Variants in NOX5 observed in about 807,000 individuals in gnomAD.
The protein encoded by NOX5 is NADPH oxidase, EF-hand calcium binding domain 5.
Under a neutral mutation model 85.7 loss-of-function variants are expected in NOX5, and 76 were observed. The ratio of observed to expected loss-of-function variants is 0.89; its 90% CI spans 0.74 to 1.07. The LOEUF (loss-of-function observed/expected upper bound fraction) is 1.07. Ranked by LOEUF, NOX5 falls within the 50% of genes least tolerant of loss-of-function variation. NOX5 has a pLI of 0.00. For missense variants in NOX5, 973 were observed against 999.5 expected, an observed-to-expected ratio of 0.97 and a Z score of 0.36; for synonymous variants, 405 against 401.4, an observed-to-expected ratio of 1.01 and a Z score of -0.11.
Position 69,028,375 on chromosome 15 carries a change from C to A in NOX5, c.325+10C>A. 3 of 1,584,598 alleles carry A rather than the reference C, an allele frequency of 1.9e-6. No homozygotes were observed. Among genetic ancestry groups the A allele is most frequent in the Non-Finnish European group, 2.6e-6 (3 of 1,163,706 alleles). ...GTGTATGACATCGATGGTAAGGGCT[C>A]TTCCTGGGTGTGGGCTGGGGTGGGG... On this transcript the variant is annotated intron_variant, in intron 3 of 15. Coordinates refer to ENST00000388866, the MANE Select transcript of NOX5 (RefSeq NM_024505.4).
chr15:69,035,233 T>C, intron 5 of NOX5, 121 bp from the exon 6 acceptor site: 2 of 1,093,988 alleles, frequency 1.8e-6, no homozygotes, highest in Non-Finnish European at 2.6e-6. Flanking sequence ...GGCAGGGGAC[T>C]TTGGTGAGTG....
chr15:69,059,133 A>G lies in NOX5; in HGVS notation c.*2437A>G, dbSNP rs1346673496. 6.6e-6 allele frequency: 1 copy of G among 152,154 alleles called. No individual in the cohort carries two copies. The highest frequency in any genetic ancestry group is 1.9e-4 in the East Asian group (1 of 5,182). The allele number at this position is 152,154 out of a possible 1,614,324, so 9.4% of individuals were successfully genotyped here. On this transcript the variant is annotated 3_prime_UTR_variant, in exon 16 of 16. Transcript: ENST00000388866. ...AGCTGTTCGTTTAGGACTTAATAAT[A>G]TAGTGGGTGGGAGCAGGTGGAAGGA...
At chr15:69,039,380 G>A (rs138517711) in intron 9 of NOX5, among the ~76,000 whole-genome samples, 2,598 of 151,856 alleles carry the variant, frequency 0.017, 31 homozygotes, top group African/African-American at 0.029. Context: ...TATGGGGGGT[G>A]GCGGGGGGTA....
chr15:69,059,123 A>G lies in NOX5; in HGVS notation c.*2427A>G, dbSNP rs1305439313. 1 of 152,160 alleles carries G rather than the reference A, an allele frequency of 6.6e-6. No individual in the cohort carries two copies. Among genetic ancestry groups the G allele is most frequent in the Non-Finnish European group, 1.5e-5 (1 of 68,034 alleles). 9.4% of individuals were successfully genotyped at this position (152,160 alleles called of 1,614,324 possible). A position where few individuals can be genotyped will look rare whatever the true frequency, so the allele number is the denominator to read the frequency against. ...ACAAATAGTCAGCTGTTCGTTTAGG[A>G]CTTAATAATATAGTGGGTGGGAGCA... On this transcript the variant is annotated 3_prime_UTR_variant, in exon 16 of 16. Coordinates refer to ENST00000388866, the MANE Select transcript of NOX5 (RefSeq NM_024505.4).
intron 10 of NOX5, among the ~76,000 whole-genome samples, chr15:69,044,805 C>G (rs1019514908): frequency 6.6e-6 from 1 of 152,168 alleles, no homozygotes; most frequent in African/African-American, 2.4e-5. Flanking sequence ...ATTTTTAAAG[C>G]TAACATTATC....
At chr15:69,029,539 G>A (rs190649503) in intron 3 of NOX5, 108 of 152,218 alleles carry the variant, frequency 7.1e-4, no homozygotes, top group African/African-American at 2.6e-3. Flanking sequence ...TGGATGACAT[G>A]GTAATTCTGG....
At position 69,056,887 on chromosome 15, in the gene NOX5, G is replaced by A; in HGVS notation, c.*191G>A. On this transcript the variant is annotated 3_prime_UTR_variant, in exon 16 of 16. Transcript: ENST00000388866. Reference sequence around the variant, plus strand: ...GATGAACTTCCTCTAGAACCCAGGGGAAGGGACAGTGCCTTGTTCAGTCTG... The same window carrying A: ...GATGAACTTCCTCTAGAACCCAGGGAAAGGGACAGTGCCTTGTTCAGTCTG... The A allele has an allele frequency of 1.7e-6, 1 of 596,880 alleles. No homozygotes were observed. 37.0% of individuals were successfully genotyped at this position (596,880 alleles called of 1,614,324 possible).
Position 69,057,344 on chromosome 15 carries a change from A to G in NOX5, c.*648A>G, listed in dbSNP as rs1044862874. The G allele has an allele frequency of 6.6e-6, 1 of 152,378 alleles. No individual in the cohort carries two copies. The highest frequency in any genetic ancestry group is 2.1e-4 in the South Asian group (1 of 4,826). The allele number at this position is 152,378 out of a possible 1,614,324, so 9.4% of individuals were successfully genotyped here. Reference sequence around the variant, plus strand: ...CTTCAAATGCACATTCCTTGGTCCCACTACCAGAAATTCTGATTCTGATGA... The same window carrying G: ...CTTCAAATGCACATTCCTTGGTCCCGCTACCAGAAATTCTGATTCTGATGA... On this transcript the variant is annotated 3_prime_UTR_variant, in exon 16 of 16. Transcript: ENST00000388866.
At chr15:69,027,441 C>A (rs1439306172) in intron 2 of NOX5, among the ~76,000 whole-genome samples, 3 of 152,106 alleles carry the variant, frequency 2.0e-5, no homozygotes, top group African/African-American at 7.2e-5. Flanking sequence ...GGCAAGGTGG[C>A]AGTTTTGTCA....
chr15:69,042,832 C>G, intron 10 of NOX5, 27 bp downstream of exon 10: 1 of 1,606,304 alleles, frequency 6.2e-7, no homozygotes, highest in Non-Finnish European at 8.5e-7. Flanking sequence ...GGGAAGGGGT[C>G]CACTCTGCTG....
intron 3 of NOX5, chr15:69,030,391 C>A (rs915411962): frequency 1.3e-5 from 2 of 152,046 alleles, no homozygotes; most frequent in African/African-American, 4.8e-5. Context: ...TGCCAGAGGG[C>A]GGAAAACAGG....
Position 69,033,288 on chromosome 15 carries a change from C to T in NOX5, c.855+11C>T. 6.3e-7 allele frequency: 1 copy of T among 1,591,316 alleles called. No homozygotes were observed. ...TGCAGCTTCATCGCGGTAGGCTCTG[C>T]CAGCACACGGTGCTCTGAAAATGTT... On this transcript the variant is annotated intron_variant, in intron 5 of 15. Transcript: ENST00000388866.
At chr15:69,054,554 C>T (rs932693084) in intron 14 of NOX5, among the ~76,000 whole-genome samples, 10 of 152,216 alleles carry the variant, frequency 6.6e-5, no homozygotes, top group Non-Finnish European at 1.3e-4. Context: ...CGGCTCCAGC[C>T]GGGCACCACA....
intron 14 of NOX5, among the ~76,000 whole-genome samples, chr15:69,051,552 T>C (rs899480933): frequency 1.3e-5 from 2 of 152,124 alleles, no homozygotes; most frequent in Non-Finnish European, 1.5e-5. Flanking sequence ...GCTAATCTCA[T>C]TTTTTGTAGA....
At chr15:69,031,921 C>A in intron 4 of NOX5, 109 bp downstream of exon 4, 1 of 1,159,824 alleles carries the variant, frequency 8.6e-7, no homozygotes, top group Non-Finnish European at 1.2e-6. Flanking sequence ...CCGCCCTGCC[C>A]CGCCCCTCCC....
Position 69,037,084 on chromosome 15 carries a change from T to C in NOX5, c.1245T>C (p.His415=), listed in dbSNP as rs756327286. Residue 415 remains histidine, a synonymous_variant, in exon 8 of 16, where the codon CAT becomes CAC. Coordinates refer to ENST00000388866, the MANE Select transcript of NOX5 (RefSeq NM_024505.4). ...YLLVWLLLIF[H]GPNFWKWLLV... is the part of the protein sequence containing the mutation. ...TCGTGTGGCTTCTGCTCATCTTTCATGGGCCCAACTTCTGGAAGTGGCTGC... is the reference window on the plus strand; with the variant it reads ...TCGTGTGGCTTCTGCTCATCTTTCACGGGCCCAACTTCTGGAAGTGGCTGC... 2 of 1,613,914 alleles carry C rather than the reference T, an allele frequency of 1.2e-6. No homozygotes were observed. Among genetic ancestry groups the C allele is most frequent in the Admixed American group, 3.3e-5 (2 of 59,996 alleles).
Position 69,058,618 on chromosome 15 carries a change from A to T in NOX5, c.*1922A>T, listed in dbSNP as rs1567111299. ...TTGCACCAAGCCTCCATCTCCCTGG[A>T]CTGGGAGTCAGCAAGGCCAGGAGAC... On this transcript the variant is annotated 3_prime_UTR_variant, in exon 16 of 16. Coordinates refer to ENST00000388866, the MANE Select transcript of NOX5 (RefSeq NM_024505.4). The T allele has an allele frequency of 6.6e-6, 1 of 152,150 alleles. No homozygotes were observed. Among genetic ancestry groups the T allele is most frequent in the Non-Finnish European group, 1.5e-5 (1 of 68,062 alleles). The allele number at this position is 152,150 out of a possible 1,614,324, so 9.4% of individuals were successfully genotyped here.
rs1231436209 is a variant in NOX5, at chr15:69,046,753, A to G, written c.1648-69A>G. 4 of 1,499,302 alleles carry G rather than the reference A, an allele frequency of 2.7e-6. No individual in the cohort carries two copies. In the South Asian group the frequency reaches 3.7e-5, roughly 14 times the overall value. 92.9% of individuals were successfully genotyped at this position (1,499,302 alleles called of 1,614,324 possible). A position where few individuals can be genotyped will look rare whatever the true frequency, so the allele number is the denominator to read the frequency against. ...AAAGTTGCTCAGACTGGCAAGGGCA[A>G]GAAACTTCTAAGAAATCCCTAACAC... On this transcript the variant is annotated intron_variant, in intron 10 of 15. Transcript: ENST00000388866.
chr15:69,025,972 G>A (rs948548303), intron 1 of NOX5, among the ~76,000 whole-genome samples: 2 of 152,142 alleles, frequency 1.3e-5, no homozygotes, highest in African/African-American at 4.8e-5. Context: ...AGCAGAGGGT[G>A]GAGGCTTTGG....
Sources: gnomAD v4.1 joint callset for allele counts (sites outside exome capture counted in the v4.1 genomes callset) on GRCh38, gnomAD v4.1.1 for gene constraint, MANE v1.5 for transcripts, NCBI Gene and HGNC (gene_info 2026-07-23, HGNC 2026-07-21) for gene names.